The following CSMD1 variants were observed in gnomAD, a reference collection of about 807,000 sequenced individuals.
CSMD1 encodes the protein CUB and Sushi multiple domains 1.
Under a neutral mutation model 417.5 loss-of-function variants are expected in CSMD1, and 213 were observed. That is an observed-to-expected ratio of 0.51 (90% CI 0.46 to 0.57). CSMD1 has a LOEUF of 0.57. Among genes scored for constraint, CSMD1 ranks in the 20% least tolerant of loss-of-function variants. The pLI, the probability that CSMD1 is intolerant of heterozygous loss-of-function variation, is 0.00. For synonymous variants in CSMD1, 2,862 were observed against 1,736.8 expected (o/e 1.65, Z -16.11); for missense variants, 6,923 against 4,529.7 (o/e 1.53, Z -15.17).
intron 3 of CSMD1, among the ~76,000 whole-genome samples, chr8:4,151,110 G>C (rs1052622405): frequency 3.3e-5 from 5 of 152,178 alleles, no homozygotes; most frequent in African/African-American, 1.2e-4. Flanking sequence ...TCTCCCAGCA[G>C]AAGATATTAG....
At chr8:3,501,321 T>C (rs1346294183) in intron 10 of CSMD1, among the ~76,000 whole-genome samples, 1 of 152,126 alleles carries the variant, frequency 6.6e-6, no homozygotes, top group African/African-American at 2.4e-5. Flanking sequence ...CATCATTGGG[T>C]TTCTTCCTTG....
chr8:3,548,702 C>G (rs1010114936), intron 10 of CSMD1, among the ~76,000 whole-genome samples: 1 of 95,900 alleles, frequency 1.0e-5, no homozygotes, highest in South Asian at 3.2e-4. Flanking sequence ...ACACACACAC[C>G]ATGGTTTCTT....
chr8:4,056,098 T>TTG (rs1798676570), intron 3 of CSMD1, among the ~76,000 whole-genome samples: 1 of 149,466 alleles, frequency 6.7e-6, no homozygotes, highest in African/African-American at 2.5e-5. Context: ...TTTTTTTTTT[T>TTG]TGAGACAGAG....
rs1268262365 is a variant in CSMD1, at chr8:3,914,030, C to G, written c.818+83873G>C. Among the ~76,000 whole-genome samples the G allele has an allele frequency of 2.0e-5, 3 of 151,934 alleles. 1 individual carries two copies. The highest frequency in any genetic ancestry group is 6.6e-5 in the Admixed American group (1 of 15,260). On this transcript the variant is annotated intron_variant, in intron 5 of 69. Transcript: ENST00000635120. Reference sequence around the variant, plus strand: ...ATTCTTGAAACCCTTCTCTATACTTCTAAGTTAAAGAAAAAGTAATATTAA... The same window carrying G: ...ATTCTTGAAACCCTTCTCTATACTTGTAAGTTAAAGAAAAAGTAATATTAA...
At chr8:4,205,397 G>A (rs890828984) in intron 3 of CSMD1, among the ~76,000 whole-genome samples, 30 of 152,210 alleles carry the variant, frequency 2.0e-4, no homozygotes, top group African/African-American at 6.5e-4. Context: ...GCCTTGGCAT[G>A]TGCCTCATCT....
At chr8:4,394,586 C>A (rs1034754672) in intron 3 of CSMD1, among the ~76,000 whole-genome samples, 1 of 152,098 alleles carries the variant, frequency 6.6e-6, no homozygotes, top group African/African-American at 2.4e-5. Flanking sequence ...TCTGTGGATG[C>A]CCCCAGTAGC....
intron 2 of CSMD1, among the ~76,000 whole-genome samples, chr8:4,574,958 C>T (rs116891727): frequency 1.3e-5 from 2 of 152,122 alleles, no homozygotes; most frequent in Non-Finnish European, 2.9e-5. Flanking sequence ...TTCCTAATGA[C>T]CTCTATGAAA....
intron 5 of CSMD1, among the ~76,000 whole-genome samples, chr8:3,910,995 T>G (rs921173480): frequency 1.3e-5 from 2 of 152,204 alleles, no homozygotes; most frequent in Admixed American, 6.5e-5. Context: ...AAGACAGATG[T>G]GGCCAAGTCC....
intron 10 of CSMD1, among the ~76,000 whole-genome samples, chr8:3,494,696 ATGAG>A (rs1563092282): frequency 1.5e-5 from 1 of 66,648 alleles, no homozygotes; most frequent in Non-Finnish European, 4.1e-5. Flanking sequence ...GAATATATAA[ATGAG>A]AGAGAGAGAG....
intron 1 of CSMD1, among the ~76,000 whole-genome samples, chr8:4,763,390 A>G (rs1271279921): frequency 1.3e-5 from 2 of 152,220 alleles, no homozygotes; most frequent in Non-Finnish European, 2.9e-5. Context: ...GTTTTTAGGC[A>G]GTTAATTCAG....
chr8:3,828,737 A>T (rs1411141565), intron 5 of CSMD1, among the ~76,000 whole-genome samples: 2 of 152,156 alleles, frequency 1.3e-5, no homozygotes, highest in Non-Finnish European at 2.9e-5. Context: ...GCCTCACCAG[A>T]GAGACCTTAC....
At chr8:3,541,545 A>G (rs892247135) in intron 10 of CSMD1, among the ~76,000 whole-genome samples, 4 of 149,298 alleles carry the variant, frequency 2.7e-5, no homozygotes, top group Admixed American at 2.0e-4. Context: ...AAATTAAAAA[A>G]ATATGAGAAT....
chr8:3,035,256 C>T (rs117410116), intron 50 of CSMD1, among the ~76,000 whole-genome samples: 1,646 of 152,266 alleles, frequency 0.011, 19 homozygotes, highest in Non-Finnish European at 0.016. Context: ...CCCAGAGACG[C>T]GCATCTGTTT....
At chr8:4,294,727 T>C (rs1029261954) in intron 3 of CSMD1, among the ~76,000 whole-genome samples, 1 of 152,154 alleles carries the variant, frequency 6.6e-6, no homozygotes, top group Admixed American at 6.6e-5. Flanking sequence ...TATAATCTAT[T>C]TTTTTCTTAC....
At chr8:3,513,130 T>A (rs577750678) in intron 10 of CSMD1, among the ~76,000 whole-genome samples, 58 of 151,940 alleles carry the variant, frequency 3.8e-4, no homozygotes, top group South Asian at 1.2e-3. Context: ...TATTATTATT[T>A]TTTTTTATAT....
chr8:3,865,005 G>A (rs976707715), intron 5 of CSMD1, among the ~76,000 whole-genome samples: 1 of 152,152 alleles, frequency 6.6e-6, no homozygotes. Flanking sequence ...GTCTGGTTGA[G>A]GTGCTAGCTA....
At chr8:3,734,803 G>T (rs1796444229) in intron 6 of CSMD1, among the ~76,000 whole-genome samples, 1 of 152,206 alleles carries the variant, frequency 6.6e-6, no homozygotes, top group South Asian at 2.1e-4. Context: ...TGGGTGCTGA[G>T]GCCCCGTGAC....
intron 3 of CSMD1, among the ~76,000 whole-genome samples, chr8:4,038,746 C>A (rs868624279): frequency 5.3e-5 from 8 of 152,284 alleles, no homozygotes; most frequent in African/African-American, 1.9e-4. Flanking sequence ...GCGCCCAATG[C>A]AGACATTTGG....
At chr8:4,275,217 T>G (rs779564994) in intron 3 of CSMD1, among the ~76,000 whole-genome samples, 13 of 152,184 alleles carry the variant, frequency 8.5e-5, no homozygotes, top group Non-Finnish European at 1.8e-4. Flanking sequence ...TTGTCTAGTT[T>G]GTTTTTATTG....
Sources: allele counts gnomAD v4.1 joint callset (sites outside exome capture counted in the v4.1 genomes callset), GRCh38; gene constraint gnomAD v4.1.1; transcripts MANE v1.5; gene names NCBI Gene and HGNC (gene_info 2026-07-23, HGNC 2026-07-21).